Variants in PGM2 observed in about 807,000 individuals in gnomAD.
PGM2 encodes phosphopentomutase.
PGM2 carries 57 observed loss-of-function variants against 74.6 expected under a neutral mutation model. That is an observed-to-expected ratio of 0.76 (90% CI 0.62 to 0.95). The LOEUF is 0.95. Among genes scored for constraint, PGM2 ranks in the 40% least tolerant of loss-of-function variants. The probability of loss-of-function intolerance (pLI) is 0.00; values close to 1 mark genes in which losing one functional copy is unlikely to be tolerated. For synonymous variants in PGM2, 273 were observed against 260.7 expected (o/e 1.05, Z -0.46); for missense variants, 706 against 741.9 (o/e 0.95, Z 0.56).
Position 37,856,828 on chromosome 4 carries a change from G to A in PGM2, c.1736+1087G>A, listed in dbSNP as rs77359317. 3.9e-3 allele frequency among the ~76,000 whole-genome samples: 589 copies of A among 152,158 alleles called. 9 individuals carry two copies. Among genetic ancestry groups the A allele is most frequent in the Admixed American group, 0.02 (312 of 15,260 alleles). On this transcript the variant is annotated intron_variant, in intron 13 of 13. Coordinates refer to ENST00000381967, the MANE Select transcript of PGM2 (RefSeq NM_018290.4). ...TTTCTACTTGTCACCTTTTAAAAGC[G>A]TAAAAAGAAACAGGTGAAATTAATT...
In PGM2 at chr4:37,840,139, T is replaced by C. The variant is rs766213593; in HGVS notation, c.599T>C (p.Leu200Pro). ...KGISQAIEEN[L>P]EPWPQAWDDS... is the part of the protein sequence containing the mutation. ...ATTTCTCAAGCTATTGAAGAAAATC[T>C]AGAACCGTGGCCTCAAGCTTGGGAC... The change falls in exon 6 of 14, where the codon CTA (leucine) becomes CCA (proline). Residue 200 changes from leucine (L) to proline (P), a missense_variant. This residue lies in a region of PGM2 where 332 missense variants were observed against 334.9 expected (regional missense o/e 0.99). Coordinates refer to ENST00000381967, the MANE Select transcript of PGM2 (RefSeq NM_018290.4). 10 of 1,613,448 alleles carry C rather than the reference T, an allele frequency of 6.2e-6. No homozygotes were observed. In the East Asian group the frequency reaches 1.8e-4, roughly 29 times the overall value.
At chr4:37,840,947 AGTGT>A (rs201822410) in intron 6 of PGM2, among the ~76,000 whole-genome samples, 86 of 75,822 alleles carry the variant, frequency 1.1e-3, no homozygotes, top group African/African-American at 1.8e-3. Context: ...CATACATGTA[AGTGT>A]GTGTGTGTGT....
At chr4:37,839,432 A>G (rs1041366504) in intron 4 of PGM2, 7 of 393,738 alleles carry the variant, frequency 1.8e-5, no homozygotes, top group Non-Finnish European at 3.5e-5. Flanking sequence ...GTTTTCCTCA[A>G]TGTTTTCCTT....
chr4:37,857,363 A>G (rs1711556855), intron 13 of PGM2, among the ~76,000 whole-genome samples: 1 of 152,166 alleles, frequency 6.6e-6, no homozygotes, highest in Non-Finnish European at 1.5e-5. Context: ...ATAAAAGCAG[A>G]TGAAAATTCC....
chr4:37,860,203 C>T (rs1021826903), intron 13 of PGM2, among the ~76,000 whole-genome samples: 1 of 152,138 alleles, frequency 6.6e-6, no homozygotes, highest in Non-Finnish European at 1.5e-5. Flanking sequence ...AAATGATTAG[C>T]TTACATGCCT....
intron 2 of PGM2, among the ~76,000 whole-genome samples, chr4:37,831,192 C>CAAAAAAAAAAAA (rs11432971): frequency 1.1e-4 from 8 of 74,072 alleles, no homozygotes; most frequent in East Asian, 3.4e-4. Context: ...GACTCTGTCT[C>CAAAAAAAAAAAA]AAAAAAAAAA....
Position 37,847,075 on chromosome 4 carries a change from G to A in PGM2, c.1152G>A (p.Leu384=), listed in dbSNP as rs1725897004. 2 of 1,613,706 alleles carry A rather than the reference G, an allele frequency of 1.2e-6. No homozygotes were observed. The highest frequency in any genetic ancestry group is 1.7e-5 in the Admixed American group (1 of 59,970). Residue 384 remains leucine (L), a synonymous_variant, in exon 9 of 14, where the codon TTG becomes TTA. Transcript: ENST00000381967. ...MLSSTVSSKI[L]RAIALKEGFH... ...CCAGCACCGTCTCCTCCAAAATCTT[G>A]CGGGCCATTGCCTTAAAGGAAGGTT...
chr4:37,861,656 C>T lies in PGM2; in HGVS notation c.*44C>T. 1 of 1,204,466 alleles carries T rather than the reference C, an allele frequency of 8.3e-7. No homozygotes were observed. Among genetic ancestry groups the T allele is most frequent in the Non-Finnish European group, 1.2e-6 (1 of 806,894 alleles). The allele number at this position is 1,204,466 out of a possible 1,614,324, so 74.6% of individuals were successfully genotyped here. A position where few individuals can be genotyped will look rare whatever the true frequency, so the allele number is the denominator to read the frequency against. ...ATACTTGCATTTACCTACAATTAAG[C>T]TGGGTTTAACTTGTTAAGCAATATT... On this transcript the variant is annotated 3_prime_UTR_variant, in exon 14 of 14. Coordinates refer to ENST00000381967, the MANE Select transcript of PGM2 (RefSeq NM_018290.4).
chr4:37,841,188 G>GTAT (rs60419379), intron 6 of PGM2, among the ~76,000 whole-genome samples: 1 of 141,252 alleles, frequency 7.1e-6, no homozygotes, highest in Non-Finnish European at 1.5e-5. Context: ...GTGTGTGTGT[G>GTAT]GTTTGTTCTG....
At chr4:37,857,050 A>G (rs1350402391) in intron 13 of PGM2, among the ~76,000 whole-genome samples, 1 of 152,196 alleles carries the variant, frequency 6.6e-6, no homozygotes, top group African/African-American at 2.4e-5. Context: ...CTTGATCTGT[A>G]GAGTTAATAA....
intron 12 of PGM2, among the ~76,000 whole-genome samples, chr4:37,854,263 T>C (rs960236676): frequency 6.6e-6 from 1 of 152,240 alleles, no homozygotes; most frequent in African/African-American, 2.4e-5. Flanking sequence ...AATATAAATA[T>C]ACCATTTCCT....
intron 7 of PGM2, among the ~76,000 whole-genome samples, chr4:37,844,852 C>T (rs568202608): frequency 6.6e-6 from 1 of 152,030 alleles, no homozygotes; most frequent in South Asian, 2.1e-4. Context: ...CCTGTAATCC[C>T]AGCCACTTGG....
intron 12 of PGM2, among the ~76,000 whole-genome samples, chr4:37,853,929 T>G (rs11730888): frequency 0.53 from 80,355 of 152,032 alleles, 21,980 homozygotes; most frequent in Non-Finnish European, 0.61. Context: ...GGAACCGGGA[T>G]GGTCTAAGAA....
chr4:37,852,933 A>G (rs941126228), intron 12 of PGM2, among the ~76,000 whole-genome samples: 1 of 152,202 alleles, frequency 6.6e-6, no homozygotes, highest in African/African-American at 2.4e-5. Flanking sequence ...GTATCAGGAA[A>G]GGGAGCTAAT....
At chr4:37,848,484 G>A in intron 10 of PGM2, 38 bp from the exon 11 acceptor site, 4 of 1,586,224 alleles carry the variant, frequency 2.5e-6, no homozygotes, top group Non-Finnish European at 3.5e-6. Context: ...GTTTGACACA[G>A]TATTGTATAG....
chr4:37,839,111 A>ATTTTT lies in PGM2; in HGVS notation c.442-717_442-713dup, dbSNP rs60423053. Among the ~76,000 whole-genome samples, 6 of 94,660 alleles carry ATTTTT rather than the reference A, an allele frequency of 6.3e-5. No homozygotes were observed. The South Asian group carries it at 1.3e-3, about 21-fold the overall frequency. 62.1% of individuals were successfully genotyped at this position (94,660 alleles called of 152,430 possible). A position where few individuals can be genotyped will look rare whatever the true frequency, so the allele number is the denominator to read the frequency against. ...GTAAGAGCATTCTCCATTCCCTCAA[A>ATTTTT]TTTTTTTTTTTTTTTTTTTTTTTTG... On this transcript the variant is annotated intron_variant, in intron 4 of 13. Transcript: ENST00000381967.
chr4:37,839,817 CTGTT>C (rs1317560725), intron 4 of PGM2, 27 bp from the exon 5 acceptor site: 21 of 1,287,600 alleles, frequency 1.6e-5, no homozygotes, highest in East Asian at 6.9e-5. Flanking sequence ...TCGTTAAAAA[CTGTT>C]TGTTCTTGTT....
intron 8 of PGM2, 35 bp downstream of exon 8, chr4:37,845,765 A>ATCCTTTATATGTTC: frequency 1.6e-6 from 2 of 1,236,834 alleles, no homozygotes; most frequent in Non-Finnish European, 2.4e-6. Flanking sequence ...ATTATAGAAC[A>ATCCTTTATATGTTC]TATAAAGGAT....
Position 37,826,730 on chromosome 4 carries a change from GC to G in PGM2, c.-2del, listed in dbSNP as rs764021051. 19 of 1,549,442 alleles carry G rather than the reference GC, an allele frequency of 1.2e-5. No individual in the cohort carries two copies. The highest frequency in any genetic ancestry group is 1.7e-4 in the Middle Eastern group (1 of 6,006). The stretch of plus-strand genomic sequence containing the variant: ...CCTCTGCAGCGGTAGCACAAGCTCA[GC>G]GATGGCGGCTCCAGAAGGCAGCGGT... On this transcript the variant is annotated 5_prime_UTR_variant, in exon 1 of 14. Coordinates refer to ENST00000381967, the MANE Select transcript of PGM2 (RefSeq NM_018290.4).
Sources: gnomAD v4.1 joint callset for allele counts (sites outside exome capture counted in the v4.1 genomes callset) on GRCh38, gnomAD v4.1.1 for gene constraint, gnomAD v4.1.1 regional missense constraint, MANE v1.5 for transcripts, NCBI Gene and HGNC (gene_info 2026-07-23, HGNC 2026-07-21) for gene names.